CTNNA2: variants seen among roughly 807,000 people sequenced by gnomAD.
CTNNA2 encodes catenin alpha-2.
A neutral mutation model predicts 101.0 loss-of-function variants in CTNNA2; 42 were observed. The observed-to-expected ratio is 0.42, with a 90% CI of 0.32 to 0.54. The LOEUF (loss-of-function observed/expected upper bound fraction) is 0.54. CTNNA2 is among the 20% of genes least tolerant of loss of function. The pLI, the probability that CTNNA2 is intolerant of heterozygous loss-of-function variation, is 0.14. For synonymous variants in CTNNA2, 450 were observed against 456.4 expected (o/e 0.99, Z 0.18); for missense variants, 871 against 1,223.1 (o/e 0.71, Z 4.29).
In CTNNA2 at chr2:79,999,039, C is replaced by T. The variant is rs114772607; in HGVS notation, c.1056+89242C>T. ...TGGATGTGTTGTTTCTAGCTTTCAG[C>T]TCTAAAAAGCCAAATTGTTTCTAAT... On this transcript the variant is annotated intron_variant, in intron 7 of 18. Coordinates refer to ENST00000402739, the MANE Select transcript of CTNNA2 (RefSeq NM_001282597.3). Among the ~76,000 whole-genome samples the T allele has an allele frequency of 6.0e-3, 912 of 151,958 alleles. 10 individuals carry two copies. Among genetic ancestry groups the T allele is most frequent in the African/African-American group, 0.021 (878 of 41,422 alleles).
intron 7 of CTNNA2, among the ~76,000 whole-genome samples, chr2:80,215,060 G>A (rs1383116587): frequency 6.6e-6 from 1 of 151,988 alleles, no homozygotes; most frequent in Non-Finnish European, 1.5e-5. Context: ...GGCTACTCAA[G>A]CTTATGCATT....
intron 1 of CTNNA2, among the ~76,000 whole-genome samples, chr2:79,572,613 G>C (rs983281184): frequency 6.6e-6 from 1 of 152,144 alleles, no homozygotes; most frequent in Non-Finnish European, 1.5e-5. Flanking sequence ...TTAGCCATGC[G>C]TGGTGGCCCA....
chr2:80,384,395 A>G (rs1676800406), intron 7 of CTNNA2, among the ~76,000 whole-genome samples: 1 of 151,674 alleles, frequency 6.6e-6, no homozygotes, highest in Non-Finnish European at 1.5e-5. Context: ...AGAAACCTGC[A>G]TGTGTATCCC....
At chr2:79,237,285 T>A (rs1674569145) in intron 2 of CTNNA2, among the ~76,000 whole-genome samples, 2 of 152,206 alleles carry the variant, frequency 1.3e-5, no homozygotes, top group South Asian at 4.1e-4. Flanking sequence ...TTGAAAGGAA[T>A]CTTTATTCTG....
In CTNNA2 at chr2:79,290,735, C is replaced by T. The variant is rs563081038; in HGVS notation, c.-405-21974C>T. 3.9e-5 allele frequency among the ~76,000 whole-genome samples: 6 copies of T among 152,236 alleles called. No homozygotes were observed. In the East Asian group the frequency reaches 1.2e-3, roughly 30 times the overall value. On this transcript the variant is annotated intron_variant, in intron 2 of 21. Transcript: ENST00000466387. ...CCGACTCCAGGGAGAAACCATCTTC[C>T]CACTCCATCTCCCTTCCGGCTTCCC...
intron 4 of CTNNA2, among the ~76,000 whole-genome samples, chr2:79,395,971 T>C (rs1255188478): frequency 6.6e-6 from 1 of 152,164 alleles, no homozygotes; most frequent in Admixed American, 6.5e-5. Context: ...TAGCCATTAA[T>C]GTAACTGGGA....
Position 80,303,873 on chromosome 2 carries a change from A to G in CTNNA2, c.1057-89338A>G. ...GAATGTCCATTGGAAGCGCTCGGTC[A>G]GAAATCTACATCATATTTTATTCCG... is the stretch of plus-strand genomic sequence containing the variant. On this transcript the variant is annotated intron_variant, in intron 7 of 18. Transcript: ENST00000402739. The surrounding 1 kb of genome is among the most constrained non-coding windows in gnomAD (Gnocchi z 7.7). 1.4e-6 allele frequency: 2 copies of G among 1,475,418 alleles called. No individual in the cohort carries two copies. The highest frequency in any genetic ancestry group is 1.8e-6 in the Non-Finnish European group (2 of 1,111,966). 91.4% of individuals were successfully genotyped at this position (1,475,418 alleles called of 1,614,324 possible). A position where few individuals can be genotyped will look rare whatever the true frequency, so the allele number is the denominator to read the frequency against.
chr2:80,088,440 T>C (rs1390519415), intron 7 of CTNNA2, among the ~76,000 whole-genome samples: 1 of 152,050 alleles, frequency 6.6e-6, no homozygotes, highest in Non-Finnish European at 1.5e-5. Context: ...GGCTGTCTTG[T>C]CCCTTATTGG....
chr2:80,531,750 T>G (rs1288869342), intron 9 of CTNNA2, among the ~76,000 whole-genome samples: 1 of 152,216 alleles, frequency 6.6e-6, no homozygotes, highest in East Asian at 1.9e-4. Context: ...AACCTGTGCT[T>G]CTCCTCGATC....
chr2:79,823,248 A>C (rs78722808), intron 3 of CTNNA2, among the ~76,000 whole-genome samples: 64 of 152,322 alleles, frequency 4.2e-4, no homozygotes, highest in African/African-American at 1.5e-3. Flanking sequence ...TTCATTACCC[A>C]GGTATAGGTT....
intron 1 of CTNNA2, among the ~76,000 whole-genome samples, chr2:79,191,379 T>C (rs1485027224): frequency 6.6e-6 from 1 of 152,160 alleles, no homozygotes; most frequent in African/African-American, 2.4e-5. Flanking sequence ...GCAACAGGGA[T>C]GAGACAATTA....
chr2:80,601,384 A>G (rs1056672339), intron 15 of CTNNA2, among the ~76,000 whole-genome samples: 21 of 141,258 alleles, frequency 1.5e-4, no homozygotes, highest in African/African-American at 5.3e-4. Context: ...CCTGTAAGAA[A>G]CCACCTGGAT....
chr2:79,695,005 G>A (rs1047448062), intron 2 of CTNNA2, among the ~76,000 whole-genome samples: 3 of 148,980 alleles, frequency 2.0e-5, no homozygotes, highest in Admixed American at 6.7e-5. Flanking sequence ...TCTCAAGGCC[G>A]TATGAAACCA....
chr2:80,015,635 A>G (rs961131307), intron 7 of CTNNA2, among the ~76,000 whole-genome samples: 21 of 152,264 alleles, frequency 1.4e-4, no homozygotes, highest in Non-Finnish European at 2.8e-4. Context: ...TCCACCGGCT[A>G]GGTGATTTTG....
intron 7 of CTNNA2, among the ~76,000 whole-genome samples, chr2:80,190,375 C>T (rs892248958): frequency 1.1e-4 from 16 of 152,096 alleles, no homozygotes; most frequent in African/African-American, 3.4e-4. Context: ...AAACTTCAAC[C>T]ACCTGCAAAC....
chr2:79,335,973 G>C (rs1033957737), intron 3 of CTNNA2, among the ~76,000 whole-genome samples: 4 of 152,200 alleles, frequency 2.6e-5, no homozygotes, highest in Non-Finnish European at 5.9e-5. Context: ...GAGAAAGTCA[G>C]TCACGTTAGG....
At position 80,263,328 on chromosome 2, in the gene CTNNA2, G is replaced by T. The variant is rs185469775; in HGVS notation, c.1057-129883G>T. 3.6e-3 allele frequency among the ~76,000 whole-genome samples: 542 copies of T among 152,264 alleles called. 1 individual carries two copies. The highest frequency in any genetic ancestry group is 6.4e-3 in the Non-Finnish European group (434 of 68,022). On this transcript the variant is annotated intron_variant, in intron 7 of 18. Coordinates refer to ENST00000402739, the MANE Select transcript of CTNNA2 (RefSeq NM_001282597.3). ...GTGAAGAGACAAAATTTTGTGAAGT[G>T]AATTTATATATTTATTTATTTATTA...
At chr2:80,335,852 T>C (rs1009372784) in intron 7 of CTNNA2, among the ~76,000 whole-genome samples, 4 of 152,092 alleles carry the variant, frequency 2.6e-5, no homozygotes, top group Non-Finnish European at 5.9e-5. Context: ...AAAATGCATT[T>C]GAGATTCTTA....
chr2:80,116,992 C>T (rs574754189), intron 7 of CTNNA2, among the ~76,000 whole-genome samples: 1 of 150,838 alleles, frequency 6.6e-6, no homozygotes, highest in East Asian at 2.0e-4. Context: ...GCTAGACATA[C>T]ATGGACACAC....
Sources: allele counts gnomAD v4.1 joint callset (sites outside exome capture counted in the v4.1 genomes callset), GRCh38; gene constraint gnomAD v4.1.1; non-coding constraint Gnocchi (gnomAD v3.1); transcripts MANE v1.5; gene names NCBI Gene and HGNC (gene_info 2026-07-23, HGNC 2026-07-21).